COL21A1: variants seen among roughly 807,000 people sequenced by gnomAD.
The protein encoded by COL21A1 is collagen alpha-1(XXI) chain.
A neutral mutation model predicts 137.9 loss-of-function variants in COL21A1; 149 were observed. That is an observed-to-expected ratio of 1.08 (90% CI 0.95 to 1.24). The LOEUF (loss-of-function observed/expected upper bound fraction) is 1.24. Ranked by LOEUF, COL21A1 falls within the 50% of genes most tolerant of loss-of-function variation. The pLI is 0.00. For missense variants in COL21A1, 1,167 were observed against 1,158.4 expected, an observed-to-expected ratio of 1.01 and a Z score of -0.11; for synonymous variants, 456 against 391.5, an observed-to-expected ratio of 1.16 and a Z score of -1.95.
intron 1 of COL21A1, among the ~76,000 whole-genome samples, chr6:56,369,731 C>G (rs1334154778): frequency 6.6e-6 from 1 of 152,112 alleles, no homozygotes; most frequent in African/African-American, 2.4e-5. Context: ...ATAGCCAATT[C>G]GCCAAAGAAG....
chr6:56,234,899 C>A (rs1450165724), intron 1 of COL21A1, among the ~76,000 whole-genome samples: 1 of 127,862 alleles, frequency 7.8e-6, no homozygotes, highest in African/African-American at 3.0e-5. Context: ...TGATCACTGC[C>A]CCTCATCCAG....
rs545720049 is a variant in COL21A1 at position 56,060,111 on chromosome 6, C to T, written c.2515G>A (p.Glu839Lys). 1.8e-5 allele frequency: 29 copies of T among 1,610,998 alleles called. 1 individual carries two copies. In the East Asian group the frequency reaches 6.5e-4, roughly 36 times the overall value. Residue 839 changes from glutamate to lysine, a missense_variant, in exon 28 of 30, where the codon GAG becomes AAG. Glu to Lys is a moderately conservative substitution (Grantham distance 56). Coordinates refer to ENST00000244728, the MANE Select transcript of COL21A1 (RefSeq NM_030820.4). ...AAACCAGGTAATCCTCTGGGACCCT[C>T]TGGGCCTATCGGACCAGGTGGCCCA... ...IPGPPGPIGP[E>K]GPRGLPGLPG...
intron 1 of COL21A1, among the ~76,000 whole-genome samples, chr6:56,302,935 G>C (rs899794763): frequency 1.3e-5 from 2 of 152,080 alleles, no homozygotes; most frequent in Non-Finnish European, 2.9e-5. Flanking sequence ...TCCAGTTTCA[G>C]CTTTCTACAT....
intron 1 of COL21A1, among the ~76,000 whole-genome samples, chr6:56,253,555 TTAGAG>T (rs1782902788): frequency 6.6e-6 from 1 of 152,198 alleles, no homozygotes; most frequent in South Asian, 2.1e-4. Context: ...ACTGACATCA[TTAGAG>T]TAGCTACATC....
At chr6:56,161,776 G>A (rs1776223912) in intron 9 of COL21A1, among the ~76,000 whole-genome samples, 5 of 152,080 alleles carry the variant, frequency 3.3e-5, no homozygotes, top group Admixed American at 3.3e-4. Context: ...TAAGTGTGGT[G>A]TACCTTGTCA....
At chr6:56,382,974 C>T (rs1327112164) in intron 1 of COL21A1, among the ~76,000 whole-genome samples, 1 of 152,186 alleles carries the variant, frequency 6.6e-6, no homozygotes, top group Non-Finnish European at 1.5e-5. Context: ...CAACAGTACT[C>T]ACAGTCCTAA....
chr6:56,355,305 A>T (rs527786197), intron 1 of COL21A1, among the ~76,000 whole-genome samples: 1 of 152,320 alleles, frequency 6.6e-6, no homozygotes, highest in East Asian at 1.9e-4. Context: ...GTGGACAGAG[A>T]AGTTCATTAA....
Position 56,086,829 on chromosome 6 carries a change from A to T in COL21A1, c.1813-9256T>A, listed in dbSNP as rs146318081. On this transcript the variant is annotated intron_variant, in intron 17 of 29. Transcript: ENST00000244728. The stretch of plus-strand genomic sequence containing the variant: ...CAGTACCCATATCATAGAAGTGTCC[A>T]TGCCGTAAAAGAAGTCAAAAGCAGT... 4.6e-3 allele frequency among the ~76,000 whole-genome samples: 706 copies of T among 152,282 alleles called. 4 individuals are homozygous for T. Among genetic ancestry groups the T allele is most frequent in the Non-Finnish European group, 8.0e-3 (541 of 68,014 alleles).
chr6:56,130,436 T>G (rs909792085), intron 12 of COL21A1, among the ~76,000 whole-genome samples: 24 of 151,964 alleles, frequency 1.6e-4, no homozygotes, highest in Non-Finnish European at 3.2e-4. Context: ...GATATACTAT[T>G]AATAAGATGG....
intron 12 of COL21A1, among the ~76,000 whole-genome samples, chr6:56,129,720 G>C (rs12203468): frequency 0.071 from 10,537 of 148,462 alleles, 436 homozygotes; most frequent in Admixed American, 0.11. Flanking sequence ...GAGAGAGAGA[G>C]AGACAGACAG....
At chr6:56,125,649 T>C in intron 13 of COL21A1, 29 bp from the exon 14 acceptor site, 2 of 1,384,066 alleles carry the variant, frequency 1.4e-6, no homozygotes, top group South Asian at 1.5e-5. Flanking sequence ...ATAGTGAATA[T>C]TTAAGAAATA....
At chr6:56,177,062 TAGAAAA>T (rs1485829529) in intron 3 of COL21A1, among the ~76,000 whole-genome samples, 1 of 151,200 alleles carries the variant, frequency 6.6e-6, no homozygotes, top group Non-Finnish European at 1.5e-5. Flanking sequence ...GAAGTAGTAG[TAGAAAA>T]AGAAGTAGTA....
chr6:56,380,682 TATTTTCCAC>T (rs1483552202), intron 1 of COL21A1, among the ~76,000 whole-genome samples: 4 of 152,206 alleles, frequency 2.6e-5, no homozygotes, highest in African/African-American at 9.6e-5. Flanking sequence ...TTTAGTGCCA[TATTTTCCAC>T]ATTTTCCACA....
intron 8 of COL21A1, 105 bp downstream of exon 8, chr6:56,164,709 T>C: frequency 1.1e-6 from 1 of 938,928 alleles, no homozygotes; most frequent in Non-Finnish European, 1.6e-6. Flanking sequence ...TACATAAAAA[T>C]GGGTTCCATT....
chr6:56,241,770 T>C (rs1199320009), intron 1 of COL21A1, among the ~76,000 whole-genome samples: 2 of 152,208 alleles, frequency 1.3e-5, no homozygotes, highest in Non-Finnish European at 1.5e-5. Flanking sequence ...CAATCAAAAA[T>C]GGTTTAAGAA....
intron 1 of COL21A1, among the ~76,000 whole-genome samples, chr6:56,300,881 G>T (rs1764263465): frequency 6.6e-6 from 1 of 151,918 alleles, no homozygotes; most frequent in South Asian, 2.1e-4. Context: ...CACCTTAAGG[G>T]GCTTTATTTA....
At chr6:56,305,175 AGTGTG>A (rs1764410973) in intron 1 of COL21A1, among the ~76,000 whole-genome samples, 3 of 152,102 alleles carry the variant, frequency 2.0e-5, no homozygotes, top group African/African-American at 7.2e-5. Context: ...TTTTGGAATA[AGTGTG>A]GTGTGGTGCT....
In COL21A1 at chr6:56,080,809, C is replaced by T. The variant is rs549423567; in HGVS notation, c.1813-3236G>A. On this transcript the variant is annotated intron_variant, in intron 17 of 29. Coordinates refer to ENST00000244728, the MANE Select transcript of COL21A1 (RefSeq NM_030820.4). ...TCATTATATCAAGAAGTGATTTATTCATTCTTAAAGATTCAATGAAGAAAA... is the reference window on the plus strand; with the variant it reads ...TCATTATATCAAGAAGTGATTTATTTATTCTTAAAGATTCAATGAAGAAAA... Among the ~76,000 whole-genome samples, 5 of 151,870 alleles carry T rather than the reference C, an allele frequency of 3.3e-5. No individual in the cohort carries two copies. In the South Asian group the frequency reaches 8.3e-4, roughly 25 times the overall value.
chr6:56,253,142 T>C (rs1318158756), intron 1 of COL21A1, among the ~76,000 whole-genome samples: 1 of 152,222 alleles, frequency 6.6e-6, no homozygotes, highest in Admixed American at 6.5e-5. Flanking sequence ...GCACAGGTCA[T>C]GAATTCATAG....
Sources: allele counts gnomAD v4.1 joint callset (sites outside exome capture counted in the v4.1 genomes callset), GRCh38; gene constraint gnomAD v4.1.1; transcripts MANE v1.5; gene names NCBI Gene and HGNC (gene_info 2026-07-23, HGNC 2026-07-21).